The following RABGEF1 variants were observed in gnomAD, a reference collection of about 807,000 sequenced individuals.
RABGEF1 encodes rab5 GDP/GTP exchange factor.
Under a neutral mutation model 57.3 loss-of-function variants are expected in RABGEF1, and 26 were observed. The ratio of observed to expected loss-of-function variants is 0.45; its 90% CI spans 0.33 to 0.63. The LOEUF is 0.63. Ranked by LOEUF, RABGEF1 falls within the 20% of genes least tolerant of loss-of-function variation. RABGEF1 has a pLI of 0.02. For missense variants in RABGEF1, 464 were observed against 607.6 expected (o/e 0.76, Z 2.48); for synonymous variants, 185 against 210.7 (o/e 0.88, Z 1.06).
At chr7:66,691,943 G>C (rs138188489) in intron 1 of RABGEF1, among the ~76,000 whole-genome samples, 1 of 152,150 alleles carries the variant, frequency 6.6e-6, no homozygotes, top group African/African-American at 2.4e-5. Context: ...TGTAGTCCCA[G>C]CTACTGTGGA....
chr7:66,745,694 G>A (rs1158571161), intron 1 of RABGEF1, among the ~76,000 whole-genome samples: 11 of 151,720 alleles, frequency 7.3e-5, no homozygotes, highest in Non-Finnish European at 1.5e-4. Context: ...TCTTGATCCC[G>A]GGAGGCGGAA....
intron 1 of RABGEF1, among the ~76,000 whole-genome samples, chr7:66,700,230 A>G (rs958975451): frequency 6.6e-6 from 1 of 152,226 alleles, no homozygotes; most frequent in African/African-American, 2.4e-5. Context: ...GCCAAGCCCC[A>G]CTGCGATGGG....
rs775962654 is a variant in RABGEF1, at chr7:66,771,932, T to C, written c.33T>C (p.His11=). 1 of 1,571,046 alleles carries C rather than the reference T, an allele frequency of 6.4e-7. No individual in the cohort carries two copies. The highest frequency in any genetic ancestry group is 8.6e-7 in the Non-Finnish European group (1 of 1,158,792). The change falls in exon 2 of 9, where the codon CAT becomes CAC. Residue 11 remains histidine, a synonymous_variant. Transcript: ENST00000284957. ...TTAAGTCTGAACGCCGAGGAATTCATGTGGATCAATCGGATCTCCTGTGCA... is the reference window on the plus strand; with the variant it reads ...TTAAGTCTGAACGCCGAGGAATTCACGTGGATCAATCGGATCTCCTGTGCA... The part of the protein sequence containing the change: MSLKSERRGI[H]VDQSDLLCKK...
chr7:66,800,721 C>G (rs1787100516), intron 7 of RABGEF1, among the ~76,000 whole-genome samples: 1 of 152,180 alleles, frequency 6.6e-6, no homozygotes, highest in Non-Finnish European at 1.5e-5. Context: ...TTAGAGTGTT[C>G]TATGAGAGTT....
chr7:66,677,761 C>CAA (rs35401177), upstream of RABGEF1, among the ~76,000 whole-genome samples: 39 of 67,462 alleles, frequency 5.8e-4, no homozygotes, highest in East Asian at 1.6e-3. Context: ...GACTCCGTCT[C>CAA]AAAAAAAAAA....
intron 1 of RABGEF1, among the ~76,000 whole-genome samples, chr7:66,693,533 C>T (rs1444940309): frequency 6.6e-6 from 1 of 152,138 alleles, no homozygotes; most frequent in Non-Finnish European, 1.5e-5. Flanking sequence ...CTCCTCCCCT[C>T]CCTCGGCTGC....
intron 1 of RABGEF1, among the ~76,000 whole-genome samples, chr7:66,700,356 C>T (rs1465423461): frequency 6.6e-6 from 1 of 152,164 alleles, no homozygotes; most frequent in Non-Finnish European, 1.5e-5. Flanking sequence ...TGTAGGGTTG[C>T]GTTCCTGACA....
intron 1 of RABGEF1, among the ~76,000 whole-genome samples, chr7:66,746,536 G>T (rs1286857047): frequency 6.6e-6 from 1 of 150,774 alleles, no homozygotes; most frequent in Non-Finnish European, 1.5e-5. Flanking sequence ...TGATCCACCC[G>T]CCTCGGCCTC....
chr7:66,756,406 T>C (rs1802725420), intron 1 of RABGEF1, among the ~76,000 whole-genome samples: 2 of 152,242 alleles, frequency 1.3e-5, no homozygotes, highest in South Asian at 4.1e-4. Flanking sequence ...ACATACCCTT[T>C]GGCATTCCGT....
intron 2 of RABGEF1, among the ~76,000 whole-genome samples, chr7:66,719,782 A>C (rs1795797632): frequency 6.6e-6 from 1 of 152,216 alleles, no homozygotes; most frequent in African/African-American, 2.4e-5. Flanking sequence ...ACATAGCCAC[A>C]TTTATTAAAT....
At chr7:66,671,814 TG>T in the RABGEF1 span, among the ~76,000 whole-genome samples, 1 of 111,024 alleles carries the variant, frequency 9.0e-6, no homozygotes, top group African/African-American at 3.9e-5. Flanking sequence ...AGAGTGAGAC[TG>T]TCTTTTTTTT....
At chr7:66,704,467 G>T (rs1793718138) in intron 1 of RABGEF1, among the ~76,000 whole-genome samples, 1 of 152,128 alleles carries the variant, frequency 6.6e-6, no homozygotes, top group South Asian at 2.1e-4. Flanking sequence ...CCAAGTGGTT[G>T]TATCATTTTA....
At chr7:66,784,034 CAGT>C (rs1810577759) in intron 4 of RABGEF1, among the ~76,000 whole-genome samples, 193 bp downstream of exon 4, 1 of 152,212 alleles carries the variant, frequency 6.6e-6, no homozygotes, top group Non-Finnish European at 1.5e-5. Context: ...CACTGCAACT[CAGT>C]GGTGTTTGGA....
intron 2 of RABGEF1, among the ~76,000 whole-genome samples, chr7:66,732,300 G>T (rs143851711): frequency 0.012 from 1,798 of 152,322 alleles, 20 homozygotes; most frequent in Non-Finnish European, 0.021. Flanking sequence ...AGCAGGGGGT[G>T]CGAGGCCTCT....
chr7:66,764,775 G>A (rs899995039), intron 1 of RABGEF1, among the ~76,000 whole-genome samples: 4 of 152,180 alleles, frequency 2.6e-5, no homozygotes, highest in South Asian at 2.1e-4. Context: ...GACAGAAGAC[G>A]TATGGGTTTA....
intron 1 of RABGEF1, among the ~76,000 whole-genome samples, chr7:66,751,579 A>T (rs1801431380): frequency 6.6e-6 from 1 of 152,042 alleles, no homozygotes; most frequent in Non-Finnish European, 1.5e-5. Flanking sequence ...GACTGAGCTG[A>T]GGGTTGAGGT....
At chr7:66,670,427 G>A in the RABGEF1 span, among the ~76,000 whole-genome samples, 1 of 141,416 alleles carries the variant, frequency 7.1e-6, no homozygotes, top group African/African-American at 2.6e-5. Flanking sequence ...CTTATTGAAT[G>A]AGATGATTTT....
At chr7:66,763,971 A>G (rs1219880949) in intron 1 of RABGEF1, among the ~76,000 whole-genome samples, 1 of 152,188 alleles carries the variant, frequency 6.6e-6, no homozygotes, top group East Asian at 1.9e-4. Context: ...CTGTGGACAC[A>G]TGTTTTTATT....
chr7:66,692,070 CAAACA>C (rs1324457006), intron 1 of RABGEF1, among the ~76,000 whole-genome samples: 2 of 150,806 alleles, frequency 1.3e-5, no homozygotes, highest in Non-Finnish European at 2.9e-5. Context: ...AAAAAACAAA[CAAACA>C]AACAAATAAA....
Sources: gnomAD v4.1 joint callset for allele counts (sites outside exome capture counted in the v4.1 genomes callset) on GRCh38, gnomAD v4.1.1 for gene constraint, MANE v1.5 for transcripts, NCBI Gene and HGNC (gene_info 2026-07-23, HGNC 2026-07-21) for gene names.